The following ARSG variants were observed in gnomAD, a reference collection of about 807,000 sequenced individuals.
ARSG encodes the protein arylsulfatase G.
In ARSG, 37 loss-of-function variants were observed where a neutral mutation model predicts 50.5. The observed-to-expected ratio is 0.73, with a 90% CI of 0.56 to 0.96. The LOEUF (loss-of-function observed/expected upper bound fraction) is 0.96. Among genes scored for constraint, ARSG ranks in the 50% least tolerant of loss-of-function variants. ARSG has a pLI of 0.00. For synonymous variants in ARSG, 225 were observed against 254.6 expected, an observed-to-expected ratio of 0.88 and a Z score of 1.11; for missense variants, 629 against 675.3, an observed-to-expected ratio of 0.93 and a Z score of 0.76.
intron 10 of ARSG, chr17:68,400,044 C>A (rs986293751): frequency 6.6e-6 from 1 of 152,252 alleles, no homozygotes; most frequent in Non-Finnish European, 1.5e-5. Flanking sequence ...TGGGGAGGAG[C>A]CCCACCTTGG....
intron 2 of ARSG, among the ~76,000 whole-genome samples, chr17:68,322,299 G>A (rs1374086740): frequency 2.6e-5 from 4 of 152,126 alleles, no homozygotes; most frequent in Non-Finnish European, 5.9e-5. Flanking sequence ...ACCTACACCC[G>A]GCAAAGGAAC....
At chr17:68,362,759 T>G (rs1023609683) in intron 6 of ARSG, among the ~76,000 whole-genome samples, 1 of 152,154 alleles carries the variant, frequency 6.6e-6, no homozygotes, top group African/African-American at 2.4e-5. Context: ...TATTTTGGAT[T>G]TTCAGATTTG....
At chr17:68,411,973 G>A (rs958205047) in intron 11 of ARSG, among the ~76,000 whole-genome samples, 4 of 151,824 alleles carry the variant, frequency 2.6e-5, no homozygotes, top group African/African-American at 7.3e-5. Context: ...CATTTGCTTG[G>A]TAGATCTTCC....
Position 68,395,069 on chromosome 17 carries a change from G to T in ARSG, c.1092-4G>T, listed in dbSNP as rs371276258. ...GGGACAACTCAGTCTTGTTATTTCCGCAGCGTGCTGGACATTTTTCCAACT... is the reference window on the plus strand; with the variant it reads ...GGGACAACTCAGTCTTGTTATTTCCTCAGCGTGCTGGACATTTTTCCAACT... On this transcript the variant is annotated splice_polypyrimidine_tract_variant and splice_region_variant and intron_variant, in intron 9 of 11. Transcript: ENST00000621439. The T allele has an allele frequency of 1.9e-6, 3 of 1,613,582 alleles. No individual in the cohort carries two copies. Among genetic ancestry groups the T allele is most frequent in the Admixed American group, 1.7e-5 (1 of 60,004 alleles).
intron 1 of ARSG, chr17:68,278,351 T>A: frequency 6.6e-7 from 1 of 1,517,838 alleles, no homozygotes; most frequent in Non-Finnish European, 9.1e-7. Flanking sequence ...TTAAAAGCAA[T>A]TCAGATCAGC....
intron 8 of ARSG, among the ~76,000 whole-genome samples, chr17:68,383,132 C>G (rs2080517783): frequency 6.6e-6 from 1 of 152,114 alleles, no homozygotes; most frequent in African/African-American, 2.4e-5. Flanking sequence ...CTCTGAAGAG[C>G]GTATTAGGAA....
intron 1 of ARSG, among the ~76,000 whole-genome samples, chr17:68,263,431 G>A (rs1275308605): frequency 6.6e-6 from 1 of 152,240 alleles, no homozygotes; most frequent in East Asian, 1.9e-4. Context: ...TAACATGTCT[G>A]AATTCCTTAA....
chr17:68,380,939 T>G (rs189551254), intron 8 of ARSG, among the ~76,000 whole-genome samples: 260 of 152,214 alleles, frequency 1.7e-3, no homozygotes, highest in African/African-American at 6.1e-3. Flanking sequence ...AATTATTCCT[T>G]GAATACTTCT....
At position 68,378,998 on chromosome 17, in the gene ARSG, G is replaced by A. The variant is rs1022261094; in HGVS notation, c.983-6066G>A. 2.6e-5 allele frequency among the ~76,000 whole-genome samples: 4 copies of A among 152,148 alleles called. No individual in the cohort carries two copies. The highest frequency in any genetic ancestry group is 2.0e-4 in the Admixed American group (3 of 15,276). On this transcript the variant is annotated intron_variant, in intron 8 of 11. Coordinates refer to ENST00000621439, the MANE Select transcript of ARSG (RefSeq NM_001267727.2). The surrounding 1 kb of genome is among the most constrained non-coding windows in gnomAD (Gnocchi z 4.4). ...GAGCAAGGGATAAGGGACTCTGGCTGTTGGCCCTGGCTGGGGACAGGGCCT... is the reference window on the plus strand; with the variant it reads ...GAGCAAGGGATAAGGGACTCTGGCTATTGGCCCTGGCTGGGGACAGGGCCT...
At chr17:68,350,101 A>G (rs1447773949) in intron 4 of ARSG, among the ~76,000 whole-genome samples, 1 of 152,102 alleles carries the variant, frequency 6.6e-6, no homozygotes, top group East Asian at 1.9e-4. Context: ...TCTGTAGGAA[A>G]CTTCACACTC....
At chr17:68,273,564 A>G (rs2075412948) in intron 1 of ARSG, among the ~76,000 whole-genome samples, 1 of 152,148 alleles carries the variant, frequency 6.6e-6, no homozygotes, top group African/African-American at 2.4e-5. Context: ...CCCAAGAATA[A>G]GTCTGGCATG....
At chr17:68,360,756 G>T (rs144715732) in intron 6 of ARSG, among the ~76,000 whole-genome samples, 2 of 152,328 alleles carry the variant, frequency 1.3e-5, no homozygotes, top group African/African-American at 4.8e-5. Flanking sequence ...GCAATACAGG[G>T]CTTGATAAGC....
intron 8 of ARSG, among the ~76,000 whole-genome samples, chr17:68,372,302 ATCG>A (rs1381862044): frequency 6.6e-6 from 1 of 152,162 alleles, no homozygotes; most frequent in East Asian, 1.9e-4. Flanking sequence ...TGATCGATCG[ATCG>A]ATCGAAACAC....
In ARSG at chr17:68,356,724, C is replaced by G. The variant is rs991430052; in HGVS notation, c.624C>G (p.Asn208Lys). The change falls in exon 6 of 12, where the codon AAC becomes AAG. Residue 208 changes from asparagine (N) to lysine (K), a missense_variant. Asn to Lys is a moderately conservative substitution (Grantham distance 94). Transcript: ENST00000621439. ...CCCTCCCTCTTTATGAAAACCTCAA[C>G]ATTGTGGAGCAGCCGGTGAACTTGA... ...DVALPLYENL[N>K]IVEQPVNLSS... 1 of 1,614,080 alleles carries G rather than the reference C, an allele frequency of 6.2e-7. No individual in the cohort carries two copies. Among genetic ancestry groups the G allele is most frequent in the African/African-American group, 1.3e-5 (1 of 74,924 alleles).
At chr17:68,410,708 C>T (rs2081960928) in intron 11 of ARSG, among the ~76,000 whole-genome samples, 1 of 152,146 alleles carries the variant, frequency 6.6e-6, no homozygotes, top group Admixed American at 6.5e-5. Context: ...GTACCAGTTC[C>T]TCCTTCTACC....
chr17:68,272,313 A>G (rs1599498895), intron 1 of ARSG, among the ~76,000 whole-genome samples: 1 of 152,214 alleles, frequency 6.6e-6, no homozygotes, highest in Non-Finnish European at 1.5e-5. Flanking sequence ...TCCACATTGA[A>G]TGTAGCTCTT....
At chr17:68,424,173 T>C (rs1308126844), downstream of ARSG, among the ~76,000 whole-genome samples, 1 of 152,098 alleles carries the variant, frequency 6.6e-6, no homozygotes, top group Admixed American at 6.6e-5. Flanking sequence ...GTTTTGAAGT[T>C]TATAATTAGT....
the ARSG span, among the ~76,000 whole-genome samples, chr17:68,431,790 A>AG: frequency 6.7e-6 from 1 of 150,016 alleles, no homozygotes; most frequent in South Asian, 2.1e-4. Context: ...GAGAACCCAG[A>AG]ACAGCTTGGA....
chr17:68,297,312 CAGCTATTATTAG>C (rs2076242466), intron 1 of ARSG, among the ~76,000 whole-genome samples: 1 of 152,190 alleles, frequency 6.6e-6, no homozygotes, highest in African/African-American at 2.4e-5. Context: ...CCAAGGATGC[CAGCTATTATTAG>C]AGTCTGCTTG....
Sources: gnomAD v4.1 joint callset for allele counts (sites outside exome capture counted in the v4.1 genomes callset) on GRCh38, gnomAD v4.1.1 for gene constraint, Gnocchi (gnomAD v3.1) non-coding constraint, MANE v1.5 for transcripts, NCBI Gene and HGNC (gene_info 2026-07-23, HGNC 2026-07-21) for gene names.